PPARGC1A: variants seen among roughly 807,000 people sequenced by gnomAD.
PPARGC1A encodes the protein PPARG coactivator 1 alpha.
Under a neutral mutation model 88.7 loss-of-function variants are expected in PPARGC1A, and 25 were observed. That is an observed-to-expected ratio of 0.28 (90% CI 0.21 to 0.39). PPARGC1A has a LOEUF of 0.39. Ranked by LOEUF, PPARGC1A falls within the 10% of genes least tolerant of loss-of-function variation. The pLI is 1.00. For synonymous variants in PPARGC1A, 363 were observed against 355.6 expected (o/e 1.02, Z -0.24); for missense variants, 880 against 968.7 (o/e 0.91, Z 1.22).
At chr4:24,028,463 TGAG>T in the PPARGC1A span, among the ~76,000 whole-genome samples, 1 of 152,184 alleles carries the variant, frequency 6.6e-6, no homozygotes. Context: ...TATGAGCCTT[TGAG>T]GAGATGTCAT....
At chr4:24,110,043 C>T in the PPARGC1A span, among the ~76,000 whole-genome samples, 1,487 of 152,218 alleles carry the variant, frequency 9.8e-3, 25 homozygotes, top group African/African-American at 0.033. Flanking sequence ...ATGAGCTCTC[C>T]ATCTTTTTAC....
the PPARGC1A span, among the ~76,000 whole-genome samples, chr4:24,463,309 C>T: frequency 6.6e-6 from 1 of 152,306 alleles, no homozygotes; most frequent in East Asian, 1.9e-4. Flanking sequence ...AGCAAAAACT[C>T]TTCAGATTCC....
At chr4:23,840,370 G>A (rs950198398) in intron 2 of PPARGC1A, among the ~76,000 whole-genome samples, 3 of 152,004 alleles carry the variant, frequency 2.0e-5, no homozygotes, top group African/African-American at 7.2e-5. Flanking sequence ...TTCCCAATCA[G>A]TCTGATCTCC....
chr4:23,903,266 C>G (rs1277294201), upstream of PPARGC1A, among the ~76,000 whole-genome samples: 2 of 152,010 alleles, frequency 1.3e-5, no homozygotes, highest in Non-Finnish European at 2.9e-5. Context: ...ATTAAGAACC[C>G]GGGTTCTTAT....
the PPARGC1A span, among the ~76,000 whole-genome samples, chr4:24,415,541 AG>A: frequency 6.6e-6 from 1 of 152,168 alleles, no homozygotes; most frequent in Admixed American, 6.5e-5. Flanking sequence ...GGACAAGAAA[AG>A]GGTTCCCACT....
At chr4:24,472,140 C>G in the PPARGC1A span, among the ~76,000 whole-genome samples, 1 of 152,068 alleles carries the variant, frequency 6.6e-6, no homozygotes, top group African/African-American at 2.4e-5. The surrounding 1 kb of genome is among the most constrained non-coding windows in gnomAD (Gnocchi z 4.5). Context: ...GGGAAGGTGT[C>G]GATGGCAGAT....
the PPARGC1A span, among the ~76,000 whole-genome samples, chr4:23,923,057 C>T: frequency 2.0e-5 from 3 of 151,108 alleles, no homozygotes; most frequent in South Asian, 6.2e-4. Context: ...TGCTGTACAA[C>T]CCCAGGTTGT....
At chr4:24,357,931 T>A in the PPARGC1A span, among the ~76,000 whole-genome samples, 31 of 152,344 alleles carry the variant, frequency 2.0e-4, no homozygotes, top group African/African-American at 6.7e-4. Context: ...GTCTCAGATA[T>A]GTCTTTGTCA....
the PPARGC1A span, among the ~76,000 whole-genome samples, chr4:24,044,474 T>C: frequency 6.6e-6 from 1 of 152,084 alleles, no homozygotes; most frequent in Admixed American, 6.5e-5. Flanking sequence ...CTCTGTAGGG[T>C]CAGAGCAGCC....
intron 2 of PPARGC1A, among the ~76,000 whole-genome samples, chr4:23,874,275 G>C (rs1714219061): frequency 6.6e-6 from 1 of 152,174 alleles, no homozygotes; most frequent in Admixed American, 6.5e-5. Flanking sequence ...TTTATAGCTT[G>C]GTTGTTTGTG....
chr4:24,377,658 C>T, the PPARGC1A span, among the ~76,000 whole-genome samples: 2 of 152,058 alleles, frequency 1.3e-5, no homozygotes, highest in Non-Finnish European at 2.9e-5. Flanking sequence ...ACTGTCATTA[C>T]AAGAAATCAC....
chr4:24,047,709 T>C, the PPARGC1A span, among the ~76,000 whole-genome samples: 1 of 152,134 alleles, frequency 6.6e-6, no homozygotes, highest in Non-Finnish European at 1.5e-5. Context: ...AGCAGAAAAG[T>C]ATCCAGGATC....
the PPARGC1A span, among the ~76,000 whole-genome samples, chr4:24,367,281 A>G: frequency 8.5e-5 from 13 of 152,212 alleles, no homozygotes; most frequent in Admixed American, 6.5e-5. Flanking sequence ...AGAGAAATGT[A>G]CACTAAATAG....
chr4:24,230,221 C>T, the PPARGC1A span, among the ~76,000 whole-genome samples: 4 of 152,272 alleles, frequency 2.6e-5, no homozygotes, highest in Non-Finnish European at 5.9e-5. Flanking sequence ...TATAAACAAG[C>T]CCTGGTATTT....
At chr4:24,208,398 C>G in the PPARGC1A span, among the ~76,000 whole-genome samples, 1 of 152,192 alleles carries the variant, frequency 6.6e-6, no homozygotes, top group Non-Finnish European at 1.5e-5. Flanking sequence ...TATACTCATT[C>G]ATTGCCCTGG....
chr4:24,411,552 G>A, the PPARGC1A span, among the ~76,000 whole-genome samples: 1 of 152,106 alleles, frequency 6.6e-6, no homozygotes, highest in African/African-American at 2.4e-5. Flanking sequence ...TCACATTAGG[G>A]TTCACGGTTG....
chr4:24,276,055 A>G, the PPARGC1A span, among the ~76,000 whole-genome samples: 1 of 152,212 alleles, frequency 6.6e-6, no homozygotes, highest in Non-Finnish European at 1.5e-5. Context: ...GTTACACCCT[A>G]TAGCTGAACG....
the PPARGC1A span, among the ~76,000 whole-genome samples, chr4:24,182,806 T>G: frequency 6.6e-6 from 1 of 152,152 alleles, no homozygotes; most frequent in Admixed American, 6.6e-5. Flanking sequence ...AGAAACCAAG[T>G]CACCTGATAA....
the PPARGC1A span, among the ~76,000 whole-genome samples, chr4:24,029,515 T>C: frequency 6.6e-6 from 1 of 152,080 alleles, no homozygotes; most frequent in African/African-American, 2.4e-5. Context: ...TGATTTGGGG[T>C]GTGGTAAAAA....
Sources: allele counts gnomAD v4.1 joint callset (sites outside exome capture counted in the v4.1 genomes callset), GRCh38; gene constraint gnomAD v4.1.1; non-coding constraint Gnocchi (gnomAD v3.1); transcripts MANE v1.5; gene names NCBI Gene and HGNC (gene_info 2026-07-23, HGNC 2026-07-21).